Variants in PTPRF observed in about 807,000 individuals in gnomAD.
PTPRF encodes protein tyrosine phosphatase receptor type F, also known as receptor-type tyrosine-protein phosphatase F.
Under a neutral mutation model 201.8 loss-of-function variants are expected in PTPRF, and 59 were observed. The observed-to-expected ratio is 0.29, with a 90% CI of 0.24 to 0.36. PTPRF has a LOEUF of 0.36. Ranked by LOEUF, PTPRF falls within the 10% of genes least tolerant of loss-of-function variation. The probability of loss-of-function intolerance (pLI) is 1.00; values close to 1 mark genes in which losing one functional copy is unlikely to be tolerated. For synonymous variants in PTPRF, 1,088 were observed against 1,089.7 expected, an observed-to-expected ratio of 1.00 and a Z score of 0.03; for missense variants, 2,132 against 2,690.5, an observed-to-expected ratio of 0.79 and a Z score of 4.59.
intron 2 of PTPRF, among the ~76,000 whole-genome samples, chr1:43,541,558 CAA>C (rs1388821590): frequency 6.6e-6 from 1 of 152,182 alleles, no homozygotes; most frequent in Non-Finnish European, 1.5e-5. Context: ...CAAAAGTACT[CAA>C]GAGCCAGACA....
At chr1:43,587,027 G>C (rs1407997949) in intron 7 of PTPRF, among the ~76,000 whole-genome samples, 3 of 152,208 alleles carry the variant, frequency 2.0e-5, no homozygotes, top group African/African-American at 7.2e-5. Context: ...GGTGAACCTG[G>C]GGACACAGAT....
chr1:43,616,129 C>T (rs933506841), intron 23 of PTPRF, among the ~76,000 whole-genome samples: 2 of 151,618 alleles, frequency 1.3e-5, no homozygotes, highest in East Asian at 1.9e-4. Context: ...AGCAGTGACG[C>T]GGTCCTGTGG....
chr1:43,544,963 G>A (rs145002667), intron 2 of PTPRF, 68 bp from the exon 3 acceptor site: 33 of 910,188 alleles, frequency 3.6e-5, no homozygotes, highest in South Asian at 1.0e-4. Context: ...GTCAGAAAGC[G>A]TCAGGGGTGG....
rs1394288697 is a variant in PTPRF at position 43,623,385 on chromosome 1, G to A, written c.*1382G>A. 1.3e-5 allele frequency: 2 copies of A among 152,560 alleles called. No homozygotes were observed. Among genetic ancestry groups the A allele is most frequent in the East Asian group, 3.9e-4 (2 of 5,192 alleles). The allele number at this position is 152,560 out of a possible 1,614,324, so 9.5% of individuals were successfully genotyped here. On this transcript the variant is annotated 3_prime_UTR_variant, in exon 34 of 34. Coordinates refer to ENST00000359947, the MANE Select transcript of PTPRF (RefSeq NM_002840.5). ...GGCAGGGAGAGCGCCTCTTCCTCTG[G>A]GCAGCGCTATCTAGATAGGTAAGTG...
At chr1:43,583,828 T>C (rs758313952) in intron 7 of PTPRF, among the ~76,000 whole-genome samples, 6 of 152,200 alleles carry the variant, frequency 3.9e-5, no homozygotes, top group Non-Finnish European at 8.8e-5. Context: ...CCCAGGCCCC[T>C]CTGCCCAAGC....
In PTPRF at chr1:43,553,317, T is replaced by TA. The variant is rs755596878; in HGVS notation, c.92-169dup. ...ACTCACCTCATATGCTTAACAGAGT[T>TA]AAAAAATGTTAAACTCTCTGAACAG... On this transcript the variant is annotated intron_variant, in intron 3 of 33. Transcript: ENST00000359947. The surrounding 1 kb of genome is among the most constrained non-coding windows in gnomAD (Gnocchi z 4.1). 6.6e-6 allele frequency among the ~76,000 whole-genome samples: 1 copy of TA among 152,140 alleles called. No individual in the cohort carries two copies. The highest frequency in any genetic ancestry group is 1.5e-5 in the Non-Finnish European group (1 of 68,020).
Position 43,605,585 on chromosome 1 carries a change from C to T in PTPRF, c.3446C>T (p.Pro1149Leu), listed in dbSNP as rs767444947. 7 of 1,614,132 alleles carry T rather than the reference C, an allele frequency of 4.3e-6. No individual in the cohort carries two copies. Among genetic ancestry groups the T allele is most frequent in the South Asian group, 2.2e-5 (2 of 91,086 alleles). Reference sequence around the variant, plus strand: ...CGTGTGGGCGGGAGCATGCTGACGCCAAGGTGGAGCACACCCGAGGAACTG... The same window carrying T: ...CGTGTGGGCGGGAGCATGCTGACGCTAAGGTGGAGCACACCCGAGGAACTG... ...IDRVGGSMLTPRWSTPEELEL... is the reference protein window; with the variant it reads ...IDRVGGSMLTLRWSTPEELEL... Residue 1149 changes from proline (P) to leucine (L), a missense_variant, in exon 19 of 34, where the codon CCA (proline) becomes CTA (leucine). Physicochemically the swap from Pro to Leu is moderately conservative, Grantham distance 98. Around this residue, in one of 6 missense-constraint regions of PTPRF, gnomAD observed 818 missense variants for 915.3 expected, o/e 0.89. Coordinates refer to ENST00000359947, the MANE Select transcript of PTPRF (RefSeq NM_002840.5).
chr1:43,612,790 G>A (rs1229343935), intron 22 of PTPRF: 6 of 1,365,732 alleles, frequency 4.4e-6, no homozygotes, highest in Non-Finnish European at 5.9e-6. Context: ...CCAGTTGCCC[G>A]AATACCTCAA....
intron 7 of PTPRF, among the ~76,000 whole-genome samples, chr1:43,582,082 G>T (rs75380754): frequency 6.6e-6 from 1 of 152,190 alleles, no homozygotes; most frequent in Non-Finnish European, 1.5e-5. Flanking sequence ...GCAAGGCTTC[G>T]TCTCCTCATC....
rs1570490524 is a variant in PTPRF, at chr1:43,598,309, G to T, written c.2119+256G>T. 13 of 492,676 alleles carry T rather than the reference G, an allele frequency of 2.6e-5. No homozygotes were observed. The East Asian group carries it at 4.2e-4, about 16-fold the overall frequency. The allele number at this position is 492,676 out of a possible 1,614,324, so 30.5% of individuals were successfully genotyped here. A position where few individuals can be genotyped will look rare whatever the true frequency, so the allele number is the denominator to read the frequency against. ...AGCAGCCCTGTCTAAGATTTGAAAG[G>T]TCAAGATTGGGCAGATTGGTGTAAA... On this transcript the variant is annotated intron_variant, in intron 12 of 33. Transcript: ENST00000359947.
At chr1:43,621,790 C>G in intron 33 of PTPRF, 145 bp from the exon 34 acceptor site, 1 of 736,066 alleles carries the variant, frequency 1.4e-6, no homozygotes, top group Non-Finnish European at 2.3e-6. Context: ...CAGGCTCCCC[C>G]GCACACTGCC....
intron 5 of PTPRF, among the ~76,000 whole-genome samples, chr1:43,566,091 G>T (rs544665027): frequency 1.1e-4 from 16 of 152,324 alleles, no homozygotes; most frequent in African/African-American, 3.8e-4. Context: ...GCCGCGGCGC[G>T]TGTGCGGGGC....
At chr1:43,613,935 C>G (rs1657101996) in intron 23 of PTPRF, among the ~76,000 whole-genome samples, 1 of 152,144 alleles carries the variant, frequency 6.6e-6, no homozygotes, top group African/African-American at 2.4e-5. Flanking sequence ...TGGGGTCACC[C>G]TTAGGAGATG....
At chr1:43,620,060 C>T (rs1557877989) in intron 29 of PTPRF, 35 bp from the exon 30 acceptor site, 1 of 1,612,390 alleles carries the variant, frequency 6.2e-7, no homozygotes, top group Non-Finnish European at 8.5e-7. Context: ...GGGGCAGCAG[C>T]ACCTCCAGCA....
At chr1:43,593,742 T>C (rs944670638) in intron 11 of PTPRF, among the ~76,000 whole-genome samples, 1 of 141,236 alleles carries the variant, frequency 7.1e-6, no homozygotes, top group East Asian at 2.2e-4. Flanking sequence ...CCCAGCACTT[T>C]GGGGAGGCCA....
upstream of PTPRF, among the ~76,000 whole-genome samples, chr1:43,526,392 C>T (rs542189517): frequency 1.1e-4 from 17 of 151,922 alleles, no homozygotes; most frequent in Admixed American, 8.5e-4. Flanking sequence ...CCCAGGAGTT[C>T]GAGATCAGCC....
At chr1:43,615,551 C>CTTTTTTTTTTTTTTTTTTTTTT (rs68193223) in intron 23 of PTPRF, among the ~76,000 whole-genome samples, 4 of 84,158 alleles carry the variant, frequency 4.8e-5, no homozygotes, top group African/African-American at 1.5e-4. Flanking sequence ...GCTCTGTTGT[C>CTTTTTTTTTTTTTTTTTTTTTT]TTTTTTTTTT....
intron 6 of PTPRF, among the ~76,000 whole-genome samples, chr1:43,571,010 C>T (rs1204588221): frequency 3.3e-5 from 5 of 152,208 alleles, no homozygotes; most frequent in Non-Finnish European, 7.3e-5. Flanking sequence ...CTGGCCTGGG[C>T]CCCTCCACAG....
At chr1:43,559,589 C>CAGG (rs34985615) in intron 5 of PTPRF, among the ~76,000 whole-genome samples, 1 of 150,790 alleles carries the variant, frequency 6.6e-6, no homozygotes, top group Non-Finnish European at 1.5e-5. Context: ...GTGCAGCAGG[C>CAGG]GTGTGTGTGT....
Sources: allele counts gnomAD v4.1 joint callset (sites outside exome capture counted in the v4.1 genomes callset), GRCh38; gene constraint gnomAD v4.1.1; regional missense constraint gnomAD v4.1.1; non-coding constraint Gnocchi (gnomAD v3.1); transcripts MANE v1.5; gene names NCBI Gene and HGNC (gene_info 2026-07-23, HGNC 2026-07-21).